Variants in SLC7A1 observed in about 807,000 individuals in gnomAD.
SLC7A1 encodes solute carrier family 7 member 1, also known as high affinity cationic amino acid transporter 1.
In SLC7A1, 10 loss-of-function variants were observed where a neutral mutation model predicts 53.9. The ratio of observed to expected loss-of-function variants is 0.19; its 90% CI spans 0.11 to 0.31. SLC7A1 has a LOEUF of 0.31. SLC7A1 is among the 10% of genes least tolerant of loss of function. The pLI is 1.00. For synonymous variants in SLC7A1, 342 were observed against 338.7 expected, an observed-to-expected ratio of 1.01 and a Z score of -0.11; for missense variants, 525 against 827.2, an observed-to-expected ratio of 0.63 and a Z score of 4.48.
Position 29,524,086 on chromosome 13 carries a change from C to A in SLC7A1, c.826+46G>T, listed in dbSNP as rs762912708. On this transcript the variant is annotated intron_variant, in intron 6 of 12. Transcript: ENST00000380752. ...GAAATGGCAAGCATTGGCTTGTTTG[C>A]CCAGGGTGCAGGAGGACCCGGGACC... is the stretch of plus-strand genomic sequence containing the variant. The A allele has an allele frequency of 5.6e-6, 9 of 1,601,246 alleles. No individual in the cohort carries two copies. In the South Asian group the frequency reaches 1.0e-4, roughly 18 times the overall value.
chr13:29,537,753 C>T (rs1425780343), intron 2 of SLC7A1, among the ~76,000 whole-genome samples: 1 of 152,168 alleles, frequency 6.6e-6, no homozygotes, highest in East Asian at 1.9e-4. Context: ...GATATGCTAT[C>T]GTCATGACTT....
At chr13:29,551,638 A>C (rs940473673) in intron 2 of SLC7A1, among the ~76,000 whole-genome samples, 11 of 152,190 alleles carry the variant, frequency 7.2e-5, no homozygotes, top group Non-Finnish European at 1.5e-4. Flanking sequence ...GTTCTAAAAT[A>C]GTCTGTTAAG....
Position 29,519,488 on chromosome 13 carries a change from G to C in SLC7A1, c.1251C>G (p.Leu417=), listed in dbSNP as rs61735312. 3.4e-3 allele frequency: 5,539 copies of C among 1,613,756 alleles called. 142 individuals are homozygous for C. The African/African-American group carries it at 0.067, about 20-fold the overall frequency. ...AGGCAGCCACCAACGAGTAAGCCAG[G>C]AGAGTGCCAATGGACATGAGGTCCA... ...DLVDLMSIGT[L]LAYSLVAACV... is the part of the protein sequence containing the mutation. Residue 417 remains leucine (L), a synonymous_variant, in exon 9 of 13, where the codon CTC becomes CTG. Coordinates refer to ENST00000380752, the MANE Select transcript of SLC7A1 (RefSeq NM_003045.5).
At chr13:29,584,312 A>T (rs1388432317) in intron 1 of SLC7A1, among the ~76,000 whole-genome samples, 1 of 151,900 alleles carries the variant, frequency 6.6e-6, no homozygotes, top group African/African-American at 2.4e-5. Context: ...TGCCCAGCTA[A>T]TTTTTTGTAT....
intron 1 of SLC7A1, among the ~76,000 whole-genome samples, chr13:29,557,832 GA>G (rs1870512492): frequency 1.0e-4 from 1 of 9,596 alleles, no homozygotes. Context: ...GAATGTGAGT[GA>G]GGGGGAGTGA....
Position 29,519,555 on chromosome 13 carries a change from A to T in SLC7A1, c.1190-6T>A. On this transcript the variant is annotated splice_region_variant and splice_polypyrimidine_tract_variant and intron_variant, in intron 8 of 12. Transcript: ENST00000380752. The stretch of plus-strand genomic sequence containing the variant: ...AAAGAGGAAGGCCATCACAGCTGGG[A>T]AGAGACAGACACCAGGATCTGTGGA... 6.3e-7 allele frequency: 1 copy of T among 1,583,092 alleles called. No homozygotes were observed. The highest frequency in any genetic ancestry group is 8.7e-7 in the Non-Finnish European group (1 of 1,152,890).
At chr13:29,524,856 A>G (rs1007362320) in intron 5 of SLC7A1, among the ~76,000 whole-genome samples, 2 of 152,310 alleles carry the variant, frequency 1.3e-5, no homozygotes, top group Middle Eastern at 3.4e-3. Context: ...TCTTTGCTAC[A>G]CTGATGAACG....
chr13:29,539,434 G>C lies in SLC7A1; in HGVS notation c.-14-3232C>G, dbSNP rs572000927. ...ACAGCACAGATCACTGCTGCCAGTTGAGAACCCAAAGAACCAAGCAACTTA... is the reference window on the plus strand; with the variant it reads ...ACAGCACAGATCACTGCTGCCAGTTCAGAACCCAAAGAACCAAGCAACTTA... On this transcript the variant is annotated intron_variant, in intron 2 of 12. Coordinates refer to ENST00000380752, the MANE Select transcript of SLC7A1 (RefSeq NM_003045.5). Among the ~76,000 whole-genome samples the C allele has an allele frequency of 5.3e-5, 8 of 152,310 alleles. No individual in the cohort carries two copies. In the South Asian group the frequency reaches 1.7e-3, roughly 32 times the overall value.
intron 1 of SLC7A1, among the ~76,000 whole-genome samples, chr13:29,564,694 T>A (rs1870894632): frequency 6.6e-6 from 1 of 152,172 alleles, no homozygotes; most frequent in African/African-American, 2.4e-5. Context: ...TTGATATCAA[T>A]CCCTGCTCAA....
intron 12 of SLC7A1, 25 bp from the exon 13 acceptor site, chr13:29,514,608 C>T (rs751852349): frequency 1.4e-5 from 22 of 1,554,846 alleles, no homozygotes; most frequent in Admixed American, 7.0e-5. Context: ...CAGAGACGGG[C>T]GTGAACAGAC....
chr13:29,517,351 T>C (rs767458211), intron 10 of SLC7A1, 41 bp from the exon 11 acceptor site: 2 of 1,565,916 alleles, frequency 1.3e-6, no homozygotes, highest in South Asian at 1.2e-5. Flanking sequence ...AACTCAACCA[T>C]TTCCCAATTT....
At chr13:29,529,501 C>A (rs889985040) in intron 5 of SLC7A1, among the ~76,000 whole-genome samples, 3 of 152,338 alleles carry the variant, frequency 2.0e-5, no homozygotes, top group Non-Finnish European at 4.4e-5. Context: ...CTCTCCTCTA[C>A]GCTCTCTTTT....
chr13:29,523,327 C>G lies in SLC7A1; in HGVS notation c.988G>C (p.Val330Leu). The G allele has an allele frequency of 2.5e-6, 4 of 1,613,838 alleles. No individual in the cohort carries two copies. The highest frequency in any genetic ancestry group is 3.4e-6 in the Non-Finnish European group (4 of 1,180,024). ...NSPLPDAFKHVGWEGAKYAVA... is the reference protein window; with the variant it reads ...NSPLPDAFKHLGWEGAKYAVA... ...GCGTACTTGGCACCTTCCCAGCCCACGTGCTTAAAGGCGTCGGGCAGGGGG... is the reference window on the plus strand; with the variant it reads ...GCGTACTTGGCACCTTCCCAGCCCAGGTGCTTAAAGGCGTCGGGCAGGGGG... Residue 330 changes from valine to leucine, a missense_variant, in exon 7 of 13, where the codon GTG becomes CTG. Val to Leu is a conservative substitution (Grantham distance 32, BLOSUM62 1). This residue lies in a region of SLC7A1 where 354 missense variants were observed against 587.5 expected (regional missense o/e 0.60). Transcript: ENST00000380752.
chr13:29,514,501 G>A lies in SLC7A1; in HGVS notation c.1869C>T (p.Gly623=), dbSNP rs779222514. 3.1e-6 allele frequency: 5 copies of A among 1,610,362 alleles called. No homozygotes were observed. The Admixed American group carries it at 8.3e-5, about 27-fold the overall frequency. The change falls in exon 13 of 13, where the codon GGC becomes GGT. Residue 623 remains glycine, a synonymous_variant. Coordinates refer to ENST00000380752, the MANE Select transcript of SLC7A1 (RefSeq NM_003045.5). Reference sequence around the variant, plus strand: ...TGCGTCACTTGCACTGGTCCAAGTTGCCGTCAGGAGTCCTTGCTTGGTCGG... The same window carrying A: ...TGCGTCACTTGCACTGGTCCAAGTTACCGTCAGGAGTCCTTGCTTGGTCGG... ...LDADQARTPD[G]NLDQCK
chr13:29,524,485 C>T (rs2776959), intron 5 of SLC7A1, among the ~76,000 whole-genome samples: 104,536 of 152,088 alleles, frequency 0.69, 38,413 homozygotes, highest in Non-Finnish European at 0.84. Flanking sequence ...TCGCCCCTTC[C>T]AGAAGCATCT....
intron 1 of SLC7A1, among the ~76,000 whole-genome samples, chr13:29,566,857 T>C (rs1870988748): frequency 6.6e-6 from 1 of 152,252 alleles, no homozygotes; most frequent in Non-Finnish European, 1.5e-5. Context: ...ACAGGCAGAT[T>C]TGAACTTGAA....
intron 10 of SLC7A1, 98 bp downstream of exon 10, chr13:29,517,475 T>C (rs965391940): frequency 2.3e-5 from 29 of 1,239,244 alleles, no homozygotes; most frequent in African/African-American, 4.5e-5. Context: ...GCAAGACAGA[T>C]GCTCATCTTC....
chr13:29,573,447 A>G (rs1871281810), intron 1 of SLC7A1, among the ~76,000 whole-genome samples: 1 of 152,200 alleles, frequency 6.6e-6, no homozygotes, highest in Non-Finnish European at 1.5e-5. Flanking sequence ...CACACAGATG[A>G]TGGGGAGGTG....
intron 1 of SLC7A1, among the ~76,000 whole-genome samples, chr13:29,579,363 A>ATTT (rs34087661): frequency 2.7e-4 from 39 of 144,074 alleles, no homozygotes; most frequent in Admixed American, 1.7e-3. Flanking sequence ...TCCACTAGCA[A>ATTT]TTTTTTTTTT....
Sources: allele counts gnomAD v4.1 joint callset (sites outside exome capture counted in the v4.1 genomes callset), GRCh38; gene constraint gnomAD v4.1.1; regional missense constraint gnomAD v4.1.1; transcripts MANE v1.5; gene names NCBI Gene and HGNC (gene_info 2026-07-23, HGNC 2026-07-21).